The following HSPA4 variants were observed in gnomAD, a reference collection of about 807,000 sequenced individuals.
HSPA4 encodes heat shock 70 kDa protein 4.
In HSPA4, 25 loss-of-function variants were observed where a neutral mutation model predicts 106.2. The ratio of observed to expected loss-of-function variants is 0.24; its 90% confidence interval spans 0.17 to 0.33. The LOEUF (loss-of-function observed/expected upper bound fraction) is 0.33, where lower values mean the gene tolerates loss of function less well. Ranked by LOEUF, HSPA4 falls within the 10% of genes least tolerant of loss-of-function variation. The pLI is 1.00. For missense variants in HSPA4, 841 were observed against 996.0 expected (o/e 0.84, Z 2.10); for synonymous variants, 332 against 333.6 (o/e 1.00, Z 0.05).
intron 15 of HSPA4, among the ~76,000 whole-genome samples, chr5:133,097,549 CTTTTTTTTT>C (rs551499462): frequency 3.9e-5 from 5 of 127,586 alleles, no homozygotes; most frequent in Admixed American, 3.2e-4. Context: ...CTTTTCTTTT[CTTTTTTTTT>C]TTTTTTTGAG....
chr5:133,086,296 CCGCTCGT>C (rs1765577789), intron 7 of HSPA4, among the ~76,000 whole-genome samples: 1 of 152,304 alleles, frequency 6.6e-6, no homozygotes, highest in African/African-American at 2.4e-5. Context: ...TCATTGGTAG[CCGCTCGT>C]CTCCTTTCTC....
Position 133,088,447 on chromosome 5 carries a change from T to C in HSPA4, c.1029T>C (p.Gly343=), listed in dbSNP as rs1765605282. ...TTTATGCAGTGGAGATAGTTGGTGGTGCTACACGAATCCCTGCGGTAAAAG... is the reference window on the plus strand; with the variant it reads ...TTTATGCAGTGGAGATAGTTGGTGGCGCTACACGAATCCCTGCGGTAAAAG... The part of the protein sequence containing the change: ...EDIYAVEIVG[G]ATRIPAVKEK... Residue 343 remains glycine, a synonymous_variant, in exon 9 of 19, where the codon GGT becomes GGC. Transcript: ENST00000304858. 1 of 1,612,486 alleles carries C rather than the reference T, an allele frequency of 6.2e-7. No homozygotes were observed. The highest frequency in any genetic ancestry group is 1.3e-5 in the African/African-American group (1 of 74,878).
intron 1 of HSPA4, among the ~76,000 whole-genome samples, chr5:133,063,224 A>C: frequency 6.8e-6 from 1 of 147,834 alleles, no homozygotes; most frequent in Non-Finnish European, 1.5e-5. Flanking sequence ...AGCCACCCCC[A>C]CCCCGTGACT....
chr5:133,096,315 CTG>C (rs1342033444), intron 14 of HSPA4, 65 bp downstream of exon 14: 6 of 1,440,246 alleles, frequency 4.2e-6, no homozygotes, highest in Non-Finnish European at 5.7e-6. Context: ...TATTCAGACT[CTG>C]TGTCTAGTGA....
intron 3 of HSPA4, among the ~76,000 whole-genome samples, chr5:133,069,989 G>T (rs1765360485): frequency 6.6e-6 from 1 of 151,946 alleles, no homozygotes; most frequent in African/African-American, 2.4e-5. Context: ...AACAAAGCAA[G>T]AACCCTGTCT....
At chr5:133,071,071 C>T (rs929950960) in intron 4 of HSPA4, among the ~76,000 whole-genome samples, 6 of 152,006 alleles carry the variant, frequency 3.9e-5, no homozygotes, top group Non-Finnish European at 8.8e-5. Flanking sequence ...CATCGCCTAG[C>T]ATAGCACAGG....
Position 133,091,393 on chromosome 5 carries a change from A to G in HSPA4, c.1560+19A>G. On this transcript the variant is annotated intron_variant, in intron 12 of 18. Transcript: ENST00000304858. ...GGAAGAGGTAATCTAGACATTGTAT[A>G]CCACTTGTGATGGCCCAGAGGTGAC... 6.3e-7 allele frequency: 1 copy of G among 1,587,904 alleles called. No individual in the cohort carries two copies. The highest frequency in any genetic ancestry group is 8.6e-7 in the Non-Finnish European group (1 of 1,161,664).
chr5:133,080,399 G>A (rs563385238), intron 7 of HSPA4, among the ~76,000 whole-genome samples: 46 of 124,326 alleles, frequency 3.7e-4, no homozygotes, highest in African/African-American at 1.4e-3. Context: ...CCAGGGTGAT[G>A]AGAGTGAGAC....
intron 1 of HSPA4, among the ~76,000 whole-genome samples, chr5:133,058,142 A>T (rs907252206): frequency 6.6e-6 from 1 of 152,252 alleles, no homozygotes; most frequent in African/African-American, 2.4e-5. Flanking sequence ...CTGTTATCCC[A>T]GCACTTTGGG....
At chr5:133,061,183 C>T (rs1183194345) in intron 1 of HSPA4, among the ~76,000 whole-genome samples, 1 of 150,190 alleles carries the variant, frequency 6.7e-6, no homozygotes, top group Non-Finnish European at 1.5e-5. Flanking sequence ...AGTGCAGTGA[C>T]GTGATCTCTC....
intron 9 of HSPA4, 28 bp downstream of exon 9, chr5:133,088,583 C>A: frequency 6.3e-7 from 1 of 1,584,636 alleles, no homozygotes; most frequent in South Asian, 1.1e-5. Context: ...TATAGGTAAC[C>A]ATTTATAAAT....
rs186579297 is a variant in HSPA4 at position 133,074,165 on chromosome 5, A to T, written c.663+39A>T. 1.7e-5 allele frequency: 23 copies of T among 1,380,462 alleles called. 1 individual carries two copies. In the Admixed American group the frequency reaches 5.3e-4, roughly 32 times the overall value. The allele number at this position is 1,380,462 out of a possible 1,614,324, so 85.5% of individuals were successfully genotyped here. On this transcript the variant is annotated intron_variant, in intron 6 of 18. Transcript: ENST00000304858. ...TTTTTTCCAGAAGACTGTTAGTAGT[A>T]TGGTAATTATGAAATTTTGAGAGAC...
intron 6 of HSPA4, among the ~76,000 whole-genome samples, chr5:133,076,404 T>C (rs147891717): frequency 1.3e-5 from 2 of 152,218 alleles, no homozygotes; most frequent in African/African-American, 4.8e-5. Flanking sequence ...TTCTACCACT[T>C]AGTAGCTTTG....
chr5:133,099,088 A>G (rs986050367), intron 15 of HSPA4, among the ~76,000 whole-genome samples: 1 of 152,044 alleles, frequency 6.6e-6, no homozygotes, highest in Non-Finnish European at 1.5e-5. Flanking sequence ...AACATTTGCC[A>G]TCCTTGTTTT....
chr5:133,075,595 G>A (rs1178612504), intron 6 of HSPA4, among the ~76,000 whole-genome samples: 1 of 152,114 alleles, frequency 6.6e-6, no homozygotes, highest in African/African-American at 2.4e-5. Context: ...TCTGGAGGCT[G>A]AGGTGGGGGG....
chr5:133,092,650 A>G (rs1267857831), intron 12 of HSPA4, 50 bp from the exon 13 acceptor site: 2 of 1,162,384 alleles, frequency 1.7e-6, no homozygotes, highest in African/African-American at 3.0e-5. Context: ...TGTGTAATGA[A>G]GGTTGTTTAG....
At chr5:133,075,853 A>T (rs1212565378) in intron 6 of HSPA4, among the ~76,000 whole-genome samples, 2 of 139,912 alleles carry the variant, frequency 1.4e-5, no homozygotes, top group Admixed American at 1.4e-4. Flanking sequence ...AAAAATAAAG[A>T]AAAGTTACTT....
intron 14 of HSPA4, 78 bp downstream of exon 14, chr5:133,096,328 CT>C (rs746531130): frequency 7.3e-7 from 1 of 1,362,756 alleles, no homozygotes; most frequent in Non-Finnish European, 1.0e-6. Context: ...TGTCTAGTGA[CT>C]TTTTGCATTT....
intron 7 of HSPA4, among the ~76,000 whole-genome samples, chr5:133,078,016 A>G (rs1008754200): frequency 6.6e-6 from 1 of 152,178 alleles, no homozygotes; most frequent in African/African-American, 2.4e-5. Context: ...TTAAAAACTG[A>G]ATTTGCCTGT....
Sources: allele counts gnomAD v4.1 joint callset (sites outside exome capture counted in the v4.1 genomes callset), GRCh38; gene constraint gnomAD v4.1.1; transcripts MANE v1.5; gene names NCBI Gene and HGNC (gene_info 2026-07-23, HGNC 2026-07-21).